Variants in BPIFB1 observed in about 807,000 individuals in gnomAD.
BPIFB1 encodes the protein BPI fold-containing family B member 1.
Under a neutral mutation model 55.1 loss-of-function variants are expected in BPIFB1, and 34 were observed. The ratio of observed to expected loss-of-function variants is 0.62; its 90% confidence interval spans 0.47 to 0.82. The LOEUF is 0.82. BPIFB1 is among the 40% of genes least tolerant of loss of function. BPIFB1 has a pLI of 0.00. For synonymous variants in BPIFB1, 236 were observed against 245.3 expected (o/e 0.96, Z 0.35); for missense variants, 532 against 593.1 (o/e 0.90, Z 1.07).
rs1026379561 is a variant in BPIFB1, at chr20:33,309,296, T to C, written c.1396-412T>C. 4.6e-5 allele frequency among the ~76,000 whole-genome samples: 7 copies of C among 152,172 alleles called. No individual in the cohort carries two copies. The highest frequency in any genetic ancestry group is 1.7e-4 in the African/African-American group (7 of 41,422). ...CTGTCTGCTTTGTTCTCTGTTGTGA[T>C]CAGTGGCTGCACACAGTAGGTGTTT... On this transcript the variant is annotated intron_variant, in intron 15 of 15. Transcript: ENST00000253354. The surrounding 1 kb of genome is among the most constrained non-coding windows in gnomAD (Gnocchi z 4.4).
At chr20:33,301,148 T>C in intron 8 of BPIFB1, 85 bp from the exon 9 acceptor site, 1 of 1,361,792 alleles carries the variant, frequency 7.3e-7, no homozygotes, top group Non-Finnish European at 1.0e-6. Context: ...GGAAACAGGC[T>C]GAATGGTGTC....
chr20:33,294,957 G>A (rs145012585), intron 6 of BPIFB1, among the ~76,000 whole-genome samples: 1 of 152,336 alleles, frequency 6.6e-6, no homozygotes, highest in Non-Finnish European at 1.5e-5. Flanking sequence ...GCCCACATCT[G>A]TAATCCCAGC....
intron 15 of BPIFB1, among the ~76,000 whole-genome samples, chr20:33,308,543 C>T (rs1265641035): frequency 1.4e-5 from 2 of 146,184 alleles, no homozygotes; most frequent in East Asian, 4.1e-4. Flanking sequence ...CATACACACA[C>T]ACACCTTTAT....
intron 13 of BPIFB1, 104 bp downstream of exon 13, chr20:33,304,995 G>A: frequency 1.5e-6 from 2 of 1,316,662 alleles, no homozygotes; most frequent in Non-Finnish European, 2.2e-6. Flanking sequence ...GGTCCCCACA[G>A]AAGCACCATG....
At chr20:33,290,037 C>T in intron 4 of BPIFB1, 45 bp downstream of exon 4, 1 of 1,456,028 alleles carries the variant, frequency 6.9e-7, no homozygotes, top group Non-Finnish European at 9.6e-7. Flanking sequence ...ACAGGCTCAT[C>T]TGCTCGTTCC....
chr20:33,306,616 C>A (rs1981034428), intron 14 of BPIFB1: 1 of 399,470 alleles, frequency 2.5e-6, no homozygotes, highest in Non-Finnish European at 4.5e-6. Flanking sequence ...GGAAAAATCT[C>A]AAAGTATAGA....
chr20:33,304,147 G>A, intron 12 of BPIFB1, 122 bp downstream of exon 12: 1 of 827,086 alleles, frequency 1.2e-6, no homozygotes, highest in South Asian at 1.6e-5. Flanking sequence ...GGTAGGCAGG[G>A]AGGTCCTTCC....
chr20:33,306,882 T>C, intron 14 of BPIFB1, 29 bp from the exon 15 acceptor site: 1 of 1,595,464 alleles, frequency 6.3e-7, no homozygotes, highest in Non-Finnish European at 8.6e-7. Flanking sequence ...CCCAGGCCCA[T>C]CAGTTTCTGA....
intron 1 of BPIFB1, among the ~76,000 whole-genome samples, chr20:33,283,517 A>C (rs1980164389): frequency 6.6e-6 from 1 of 152,160 alleles, no homozygotes. Context: ...CACTCTGCAC[A>C]TACCAGTTGC....
chr20:33,306,020 A>G lies in BPIFB1; in HGVS notation c.1273A>G (p.Ile425Val), dbSNP rs1360747697. The change falls in exon 14 of 16, where the codon ATC becomes GTC. Residue 425 changes from isoleucine to valine, a missense_variant. By Grantham distance (29) the Ile-to-Val change is conservative. Transcript: ENST00000253354. ...GWFQPDVLKN[I>V]ITEIIHSILL... is the part of the protein sequence containing the mutation. The stretch of plus-strand genomic sequence containing the variant: ...CTCACAGCCTGATGTTCTGAAAAAC[A>G]TCATCACTGAGATCATCCACTCCAT... The G allele has an allele frequency of 6.8e-6, 11 of 1,614,128 alleles. No individual in the cohort carries two copies. The highest frequency in any genetic ancestry group is 9.3e-6 in the Non-Finnish European group (11 of 1,180,016).
rs367639622 is a variant in BPIFB1, at chr20:33,306,945, G to A, written c.1353G>A (p.Val451=). 6.2e-7 allele frequency: 1 copy of A among 1,614,112 alleles called. No homozygotes were observed. Among genetic ancestry groups the A allele is most frequent in the African/African-American group, 1.3e-5 (1 of 74,952 alleles). Residue 451 remains valine, a synonymous_variant, in exon 15 of 16, where the codon GTG becomes GTA. Transcript: ENST00000253354. Reference sequence around the variant, plus strand: ...GATCTGGGGTCCCAGTGTCATTGGTGAAGGCCTTGGGATTCGAGGCAGCTG... The same window carrying A: ...GATCTGGGGTCCCAGTGTCATTGGTAAAGGCCTTGGGATTCGAGGCAGCTG... ...KLRSGVPVSL[V]KALGFEAAES...
intron 2 of BPIFB1, 97 bp from the exon 3 acceptor site, chr20:33,288,644 G>A: frequency 6.9e-7 from 1 of 1,449,086 alleles, no homozygotes; most frequent in East Asian, 2.3e-5. Context: ...CTTACCTCAG[G>A]GAGCCTCGAG....
Position 33,286,157 on chromosome 20 carries a change from T to C in BPIFB1, c.84T>C (p.Val28=). 6.2e-7 allele frequency: 1 copy of C among 1,614,206 alleles called. No individual in the cohort carries two copies. Among genetic ancestry groups the C allele is most frequent in the South Asian group, 1.1e-5 (1 of 91,076 alleles). Residue 28 remains valine, a synonymous_variant, in exon 2 of 16, where the codon GTT becomes GTC. Transcript: ENST00000253354. ...LIQATLSPTA[V]LILGPKVIKE... ...AAGCCACCCTCAGTCCCACTGCAGT[T>C]CTCATCCTCGGCCCAAAAGTCATCA...
intron 6 of BPIFB1, among the ~76,000 whole-genome samples, chr20:33,295,636 AAG>A (rs1163810574): frequency 6.6e-5 from 10 of 150,600 alleles, no homozygotes; most frequent in African/African-American, 2.5e-4. Context: ...AGAAGAAAGA[AAG>A]AGAGAAGAAG....
intron 3 of BPIFB1, 111 bp downstream of exon 3, chr20:33,288,993 C>CA: frequency 7.8e-7 from 1 of 1,277,532 alleles, no homozygotes; most frequent in South Asian, 1.5e-5. Context: ...TGTCAGATCA[C>CA]AAAGAGTGGA....
chr20:33,303,351 C>T (rs143688183), intron 11 of BPIFB1, among the ~76,000 whole-genome samples: 194 of 152,254 alleles, frequency 1.3e-3, no homozygotes, highest in South Asian at 2.3e-3. Flanking sequence ...CTATTGACTT[C>T]GGGAATAGCT....
At chr20:33,285,745 C>A (rs1258446393) in intron 1 of BPIFB1, among the ~76,000 whole-genome samples, 1 of 151,670 alleles carries the variant, frequency 6.6e-6, no homozygotes, top group East Asian at 1.9e-4. Context: ...AAGAAAATAG[C>A]TAATACATTC....
chr20:33,306,839 AC>A, intron 14 of BPIFB1, 71 bp from the exon 15 acceptor site: 1 of 1,322,868 alleles, frequency 7.6e-7, no homozygotes, highest in Non-Finnish European at 1.1e-6. Context: ...CCCTTCAGGA[AC>A]CCTGAGCCTG....
chr20:33,288,807 C>A lies in BPIFB1; in HGVS notation c.182C>A (p.Ala61Asp), dbSNP rs746099218. The A allele has an allele frequency of 1.2e-6, 2 of 1,613,980 alleles. No homozygotes were observed. Among genetic ancestry groups the A allele is most frequent in the Non-Finnish European group, 8.5e-7 (1 of 1,180,018 alleles). Residue 61 changes from alanine to aspartate, a missense_variant, in exon 3 of 16, where the codon GCC becomes GAC. By Grantham distance (126) the Ala-to-Asp change is moderately radical. Coordinates refer to ENST00000253354, the MANE Select transcript of BPIFB1 (RefSeq NM_033197.3). Reference sequence around the variant, plus strand: ...CTGCAGCAGCTGCCGCTGCTCAGTGCCATGCGGGAAAAGCCAGCCGGAGGC... The same window carrying A: ...CTGCAGCAGCTGCCGCTGCTCAGTGACATGCGGGAAAAGCCAGCCGGAGGC... ...SILQQLPLLS[A>D]MREKPAGGIP...
Sources: allele counts gnomAD v4.1 joint callset (sites outside exome capture counted in the v4.1 genomes callset), GRCh38; gene constraint gnomAD v4.1.1; non-coding constraint Gnocchi (gnomAD v3.1); transcripts MANE v1.5; gene names NCBI Gene and HGNC (gene_info 2026-07-23, HGNC 2026-07-21).